CT55: variants seen among roughly 807,000 people sequenced by gnomAD.
CT55 encodes BRCA2-interacting protein.
Under a neutral mutation model 12.6 loss-of-function variants are expected in CT55, and 1 was observed. That is an observed-to-expected ratio of 0.08 (90% CI 0.03 to 0.38). The LOEUF (loss-of-function observed/expected upper bound fraction) is 0.38, where lower values mean the gene tolerates loss of function less well. Among genes scored for constraint, CT55 ranks in the 10% least tolerant of loss-of-function variants. The probability of loss-of-function intolerance (pLI) is 0.99; values close to 1 mark genes in which losing one functional copy is unlikely to be tolerated. For missense variants in CT55, 109 were observed against 135.4 expected (o/e 0.80, Z 0.97); for synonymous variants, 43 against 49.7 (o/e 0.87, Z 0.57).
At chrX:135,158,839 T>C (rs1300915916) in intron 3 of CT55, among the ~76,000 whole-genome samples, 2 of 112,474 alleles carry the variant, frequency 1.8e-5, no homozygotes, top group Non-Finnish European at 3.8e-5. Flanking sequence ...CACAGAATCA[T>C]CGCTGGCGCA....
intron 3 of CT55, among the ~76,000 whole-genome samples, chrX:135,159,155 T>C (rs1233473489): frequency 2.7e-5 from 3 of 111,177 alleles, no homozygotes; most frequent in African/African-American, 9.8e-5. Flanking sequence ...AAACATTTCT[T>C]CACCTTAGGA....
chrX:135,163,366 A>T (rs1390733292), intron 2 of CT55, among the ~76,000 whole-genome samples: 1 of 112,583 alleles, frequency 8.9e-6, no homozygotes, highest in Admixed American at 9.4e-5. Flanking sequence ...GGAAAGATTG[A>T]AAGAATTGTT....
At chrX:135,170,654 C>T (rs1230247801) in intron 1 of CT55, among the ~76,000 whole-genome samples, 16 of 111,184 alleles carry the variant, frequency 1.4e-4, no homozygotes, top group African/African-American at 5.2e-4. Context: ...CAGTCGCCGG[C>T]AGGGGTTCTC....
Position 135,160,402 on chromosome X carries a change from A to T in CT55, c.424+9T>A. The T allele has an allele frequency of 8.7e-7, 1 of 1,149,377 alleles. No individual in the cohort carries two copies. The allele number at this position is 1,149,377 out of a possible 1,213,427, so 94.7% of individuals were successfully genotyped here. Reference sequence around the variant, plus strand: ...AATTACATCATATATTTCAAAATATAAATCATACCTTCAGAAACAATGGCT... The same window carrying T: ...AATTACATCATATATTTCAAAATATTAATCATACCTTCAGAAACAATGGCT... On this transcript the variant is annotated intron_variant, in intron 3 of 5. Transcript: ENST00000276241.
In CT55 at chrX:135,158,162, C is replaced by T. The variant is rs781812689; in HGVS notation, c.537+37G>A. Reference sequence around the variant, plus strand: ...AAATTATCACCAAAGGAAGAGTTAGCAGAAACTGCTGACGGGAGCAACAGG... The same window carrying T: ...AAATTATCACCAAAGGAAGAGTTAGTAGAAACTGCTGACGGGAGCAACAGG... On this transcript the variant is annotated intron_variant, in intron 4 of 5. Coordinates refer to ENST00000276241, the MANE Select transcript of CT55 (RefSeq NM_001031705.3). 19 of 883,069 alleles carry T rather than the reference C, an allele frequency of 2.2e-5. No homozygotes were observed. The South Asian group carries it at 3.0e-4, about 14-fold the overall frequency. 72.8% of individuals were successfully genotyped at this position (883,069 alleles called of 1,213,427 possible).
At chrX:135,171,820 G>A (rs1333180736), upstream of CT55, among the ~76,000 whole-genome samples, 1 of 111,713 alleles carries the variant, frequency 9.0e-6, no homozygotes, top group Non-Finnish European at 1.9e-5. Context: ...TTGTGTACTA[G>A]GACTGCCATT....
chrX:135,161,488 A>G (rs1456949074), intron 2 of CT55, among the ~76,000 whole-genome samples: 1 of 112,380 alleles, frequency 8.9e-6, no homozygotes, highest in African/African-American at 3.2e-5. Context: ...CATGGTATTC[A>G]GTGTTAAAGT....
At chrX:135,168,824 A>G (rs1603274641) in intron 2 of CT55, among the ~76,000 whole-genome samples, 1 of 112,304 alleles carries the variant, frequency 8.9e-6, no homozygotes, top group African/African-American at 3.2e-5. Flanking sequence ...CTTCATACAC[A>G]AACTTTCCTA....
At chrX:135,169,835 A>G (rs1210416399) in intron 1 of CT55, 57 bp from the exon 2 acceptor site, 5 of 923,587 alleles carry the variant, frequency 5.4e-6, no homozygotes, top group Non-Finnish European at 7.6e-6. Flanking sequence ...CACCTACTAC[A>G]AGTAAGTCTT....
chrX:135,160,605 A>G (rs782805119), intron 2 of CT55, 50 bp from the exon 3 acceptor site: 26 of 1,136,392 alleles, frequency 2.3e-5, no homozygotes, highest in Non-Finnish European at 3.0e-5. Context: ...AAATTTAAAC[A>G]TGGAACTTAC....
upstream of CT55, chrX:135,171,436 C>T (rs1287169687): frequency 2.7e-6 from 1 of 377,166 alleles, no homozygotes; most frequent in African/African-American, 2.6e-5. Flanking sequence ...TACCACTGTC[C>T]AACCAATGGG....
rs1435625192 is a variant in CT55 at position 135,164,046 on chromosome X, G to C, written c.280-3491C>G. Among the ~76,000 whole-genome samples, 9 of 111,823 alleles carry C rather than the reference G, an allele frequency of 8.0e-5. No individual in the cohort carries two copies. The Admixed American group carries it at 8.5e-4, about 11-fold the overall frequency. ...ACTGTCTTACAAGAAATGCTAGGGA[G>C]AGTTCTTCCAACTGACGTAAGGGAC... On this transcript the variant is annotated intron_variant, in intron 2 of 5. Coordinates refer to ENST00000276241, the MANE Select transcript of CT55 (RefSeq NM_001031705.3).
At chrX:135,165,681 G>C (rs2083580147) in intron 2 of CT55, among the ~76,000 whole-genome samples, 1 of 110,796 alleles carries the variant, frequency 9.0e-6, no homozygotes, top group Admixed American at 9.6e-5. Flanking sequence ...ACTTTAGCTA[G>C]ACTAAGGAAA....
rs1370399212 is a variant in CT55, at chrX:135,171,391, C to G, written c.-220G>C. ...GAGCTCCCAGCTTCTCCGCTGACTT[C>G]TCCCTCTGAGCATGCGCTCGTCAGG... On this transcript the variant is annotated 5_prime_UTR_variant, in exon 1 of 6. Transcript: ENST00000276241. The G allele has an allele frequency of 1.6e-6, 1 of 640,516 alleles. No individual in the cohort carries two copies. The highest frequency in any genetic ancestry group is 2.2e-6 in the Non-Finnish European group (1 of 454,356). 52.8% of individuals were successfully genotyped at this position (640,516 alleles called of 1,213,427 possible).
intron 2 of CT55, among the ~76,000 whole-genome samples, chrX:135,164,630 A>G (rs1603274169): frequency 8.9e-6 from 1 of 112,353 alleles, no homozygotes; most frequent in Non-Finnish European, 1.9e-5. Context: ...TAAAATGCAC[A>G]GAGTAGCTGA....
At chrX:135,158,428 A>T in intron 3 of CT55, 117 bp from the exon 4 acceptor site, 1 of 446,757 alleles carries the variant, frequency 2.2e-6, no homozygotes, top group Non-Finnish European at 3.9e-6. Flanking sequence ...TCTAAAGTCC[A>T]TTTTGTGCAT....
Position 135,171,228 on chromosome X carries a change from C to T in CT55, c.-57G>A. The T allele has an allele frequency of 1.7e-6, 2 of 1,202,899 alleles. No individual in the cohort carries two copies. Among genetic ancestry groups the T allele is most frequent in the South Asian group, 1.8e-5 (1 of 55,279 alleles). On this transcript the variant is annotated 5_prime_UTR_variant, in exon 1 of 6. Transcript: ENST00000276241. ...GCTTGTGGCAGATGAAGCACGAGGC[C>T]TCCTCAGTAAGGGAAGCCCTCAGGT...
rs782283864 is a variant in CT55, at chrX:135,160,429, T to C, written c.406A>G (p.Ile136Val). The C allele has an allele frequency of 1.7e-6, 2 of 1,163,293 alleles. No individual in the cohort carries two copies. The highest frequency in any genetic ancestry group is 2.3e-6 in the Non-Finnish European group (2 of 871,658). The part of the protein sequence containing the change: ...IYISNSIYFS[I>V]AIVSEDFVPY... Reference sequence around the variant, plus strand: ...ATCATACCTTCAGAAACAATGGCTATGGAAAAATAAATGCTGTTACTAATA... The same window carrying C: ...ATCATACCTTCAGAAACAATGGCTACGGAAAAATAAATGCTGTTACTAATA... Residue 136 changes from isoleucine (I) to valine (V), a missense_variant, in exon 3 of 6, where the codon ATA (isoleucine) becomes GTA (valine). Coordinates refer to ENST00000276241, the MANE Select transcript of CT55 (RefSeq NM_001031705.3).
rs145758030 is a variant in CT55 at position 135,159,797 on chromosome X, G to A, written c.424+614C>T. 3.6e-4 allele frequency among the ~76,000 whole-genome samples: 40 copies of A among 111,605 alleles called. No individual in the cohort carries two copies. In the East Asian group the frequency reaches 0.01, roughly 28 times the overall value. ...AAACTAGCAAGCTGCCTGGGGAAGCGGAGCTAATCTCTCCATTTATACCCA... is the reference window on the plus strand; with the variant it reads ...AAACTAGCAAGCTGCCTGGGGAAGCAGAGCTAATCTCTCCATTTATACCCA... On this transcript the variant is annotated intron_variant, in intron 3 of 5. Coordinates refer to ENST00000276241, the MANE Select transcript of CT55 (RefSeq NM_001031705.3).
Sources: allele counts gnomAD v4.1 joint callset (sites outside exome capture counted in the v4.1 genomes callset), GRCh38; gene constraint gnomAD v4.1.1; transcripts MANE v1.5; gene names NCBI Gene and HGNC (gene_info 2026-07-23, HGNC 2026-07-21).